The following ME1 variants were observed in gnomAD, a reference collection of about 807,000 sequenced individuals.
ME1 encodes the protein NADP-dependent malic enzyme.
ME1 carries 74 observed loss-of-function variants against 66.4 expected under a neutral mutation model. That is an observed-to-expected ratio of 1.11 (90% CI 0.92 to 1.35). ME1 has a LOEUF of 1.35. ME1 is among the 40% of genes most tolerant of loss of function. The pLI is 0.00. For synonymous variants in ME1, 251 were observed against 235.6 expected, an observed-to-expected ratio of 1.07 and a Z score of -0.60; for missense variants, 750 against 694.1, an observed-to-expected ratio of 1.08 and a Z score of -0.90.
chr6:83,344,848 C>T (rs1453733313), intron 5 of ME1, among the ~76,000 whole-genome samples: 1 of 151,656 alleles, frequency 6.6e-6, no homozygotes. Context: ...AGCCACTGTA[C>T]TCCAGCCTGG....
At chr6:83,227,509 A>G (rs780013751) in intron 10 of ME1, 32 bp from the exon 11 acceptor site, 1 of 1,536,598 alleles carries the variant, frequency 6.5e-7, no homozygotes, top group Non-Finnish European at 8.8e-7. Context: ...GGTAATTAAC[A>G]CTATCATTGG....
At chr6:83,257,906 T>C (rs1766812456) in intron 6 of ME1, among the ~76,000 whole-genome samples, 1 of 152,204 alleles carries the variant, frequency 6.6e-6, no homozygotes, top group Admixed American at 6.5e-5. Flanking sequence ...ACTGGTGGTC[T>C]AGAAGCATTG....
At chr6:83,239,446 T>G in intron 8 of ME1, 93 bp downstream of exon 8, 1 of 847,768 alleles carries the variant, frequency 1.2e-6, no homozygotes, top group Admixed American at 2.1e-5. Context: ...ATACTAAAAA[T>G]TTGAAAGAAT....
Position 83,216,457 on chromosome 6 carries a change from A to C in ME1, c.1548+41T>G, listed in dbSNP as rs780951379. 8 of 1,338,804 alleles carry C rather than the reference A, an allele frequency of 6.0e-6. No individual in the cohort carries two copies. In the South Asian group the frequency reaches 1.0e-4, roughly 17 times the overall value. 82.9% of individuals were successfully genotyped at this position (1,338,804 alleles called of 1,614,324 possible). On this transcript the variant is annotated intron_variant, in intron 13 of 13. Coordinates refer to ENST00000369705, the MANE Select transcript of ME1 (RefSeq NM_002395.6). ...TTAAAAATGCATATTTAGCAAGAAA[A>C]GGAAGGAAAAATAATGAAGCTTGAA...
chr6:83,330,646 C>T (rs774572824), intron 5 of ME1, among the ~76,000 whole-genome samples: 14 of 152,104 alleles, frequency 9.2e-5, no homozygotes, highest in Non-Finnish European at 1.3e-4. Context: ...AATAAATTTT[C>T]CATTTTGTTC....
At chr6:83,266,350 T>C (rs1197851700) in intron 6 of ME1, among the ~76,000 whole-genome samples, 1 of 152,150 alleles carries the variant, frequency 6.6e-6, no homozygotes, top group Non-Finnish European at 1.5e-5. Context: ...TAGAAATAGC[T>C]GAAAGCACAA....
chr6:83,402,194 G>C (rs1253503540), intron 2 of ME1, among the ~76,000 whole-genome samples: 2 of 152,180 alleles, frequency 1.3e-5, no homozygotes, highest in African/African-American at 2.4e-5. Flanking sequence ...TACCAGCAAA[G>C]TGCCAATACC....
rs1232063982 is a variant in ME1 at position 83,253,810 on chromosome 6, C to T, written c.705-72G>A. 5.3e-6 allele frequency: 4 copies of T among 753,296 alleles called. No homozygotes were observed. The African/African-American group carries it at 7.1e-5, about 13-fold the overall frequency. 46.7% of individuals were successfully genotyped at this position (753,296 alleles called of 1,614,324 possible). On this transcript the variant is annotated intron_variant, in intron 6 of 13. Coordinates refer to ENST00000369705, the MANE Select transcript of ME1 (RefSeq NM_002395.6). Reference sequence around the variant, plus strand: ...TTTAAAAATAAACTTTTAAAATTAGCCCATAGAAATAGGAAAACATTATTT... The same window carrying T: ...TTTAAAAATAAACTTTTAAAATTAGTCCATAGAAATAGGAAAACATTATTT...
intron 3 of ME1, among the ~76,000 whole-genome samples, chr6:83,381,849 T>G (rs990313375): frequency 6.6e-6 from 1 of 152,068 alleles, no homozygotes; most frequent in Admixed American, 6.6e-5. Context: ...AAACTTTAGT[T>G]AGATGCTGTC....
intron 9 of ME1, chr6:83,229,189 C>A (rs1051501816): frequency 3.8e-6 from 2 of 522,204 alleles, no homozygotes; most frequent in South Asian, 1.6e-5. Context: ...TATTAAAAAT[C>A]CTAATTTTAC....
At chr6:83,351,345 A>T (rs1768799143) in intron 4 of ME1, among the ~76,000 whole-genome samples, 1 of 152,352 alleles carries the variant, frequency 6.6e-6, no homozygotes, top group African/African-American at 2.4e-5. Context: ...GTACTAAAAG[A>T]TACCACAAAG....
Position 83,287,780 on chromosome 6 carries a change from A to T in ME1, c.704+27530T>A, listed in dbSNP as rs1236591670. 2.0e-5 allele frequency among the ~76,000 whole-genome samples: 3 copies of T among 152,202 alleles called. No individual in the cohort carries two copies. In the East Asian group the frequency reaches 5.8e-4, roughly 29 times the overall value. On this transcript the variant is annotated intron_variant, in intron 6 of 13. Coordinates refer to ENST00000369705, the MANE Select transcript of ME1 (RefSeq NM_002395.6). ...TTTACACTCCCAACAATAGTGTAAA[A>T]GCATTCCTATTTTTCCACAACCTCT...
chr6:83,416,065 A>G (rs180706378), intron 1 of ME1, among the ~76,000 whole-genome samples: 17 of 152,356 alleles, frequency 1.1e-4, no homozygotes, highest in Admixed American at 5.9e-4. Context: ...TCACAAGTAG[A>G]TATTATTTAA....
intron 5 of ME1, among the ~76,000 whole-genome samples, chr6:83,322,136 AC>A (rs1768190684): frequency 6.6e-6 from 1 of 152,118 alleles, no homozygotes; most frequent in African/African-American, 2.4e-5. Context: ...CCATGCAAAA[AC>A]CCCACGCGAA....
At position 83,258,782 on chromosome 6, in the gene ME1, C is replaced by T. The variant is rs183017159; in HGVS notation, c.705-5044G>A. On this transcript the variant is annotated intron_variant, in intron 6 of 13. Transcript: ENST00000369705. The stretch of plus-strand genomic sequence containing the variant: ...TAAGATTAAAAGCCATGGTTGAGTT[C>T]ATACTGCTAGCAGGTGGTAAGGTCT... Among the ~76,000 whole-genome samples, 8 of 152,244 alleles carry T rather than the reference C, an allele frequency of 5.3e-5. No homozygotes were observed. In the South Asian group the frequency reaches 1.5e-3, roughly 28 times the overall value.
At chr6:83,378,475 A>G (rs141928233) in intron 3 of ME1, among the ~76,000 whole-genome samples, 1 of 152,260 alleles carries the variant, frequency 6.6e-6, no homozygotes, top group East Asian at 1.9e-4. Context: ...TTTTTCTCAT[A>G]TAGACCCTGA....
chr6:83,372,701 A>T (rs568899957), intron 3 of ME1, among the ~76,000 whole-genome samples: 1 of 152,356 alleles, frequency 6.6e-6, no homozygotes, highest in South Asian at 2.1e-4. Context: ...TTCCTGTTAC[A>T]GGTAAACTCT....
In ME1 at chr6:83,417,800, A is replaced by C. The variant is rs189240163; in HGVS notation, c.79-9899T>G. Among the ~76,000 whole-genome samples, 16 of 152,356 alleles carry C rather than the reference A, an allele frequency of 1.1e-4. No homozygotes were observed. In the East Asian group the frequency reaches 3.1e-3, roughly 29 times the overall value. On this transcript the variant is annotated intron_variant, in intron 1 of 13. Transcript: ENST00000369705. Reference sequence around the variant, plus strand: ...CCATATTTAAATATATTATCTTGCTATATGAGTCTTCAATAAAGAGGAATA... The same window carrying C: ...CCATATTTAAATATATTATCTTGCTCTATGAGTCTTCAATAAAGAGGAATA...
chr6:83,393,278 C>CGAAGGT, intron 3 of ME1: 1 of 1,207,174 alleles, frequency 8.3e-7, no homozygotes, highest in East Asian at 2.3e-5. Flanking sequence ...ACCCACTCTT[C>CGAAGGT]CACCTTCGAT....
Sources: allele counts gnomAD v4.1 joint callset (sites outside exome capture counted in the v4.1 genomes callset), GRCh38; gene constraint gnomAD v4.1.1; transcripts MANE v1.5; gene names NCBI Gene and HGNC (gene_info 2026-07-23, HGNC 2026-07-21).